Variants in C4orf51 observed in about 807,000 individuals in gnomAD.
The protein encoded by C4orf51 is chromosome 4 open reading frame 51.
In C4orf51, 25 loss-of-function variants were observed where a neutral mutation model predicts 25.2. That is an observed-to-expected ratio of 0.99 (90% CI 0.72 to 1.39). The LOEUF is 1.39. Ranked by LOEUF, C4orf51 falls within the 40% of genes most tolerant of loss-of-function variation. The pLI is 0.00. For synonymous variants in C4orf51, 100 were observed against 84.5 expected (o/e 1.18, Z -1.01); for missense variants, 252 against 239.6 (o/e 1.05, Z -0.34).
At chr4:145,770,046 C>T (rs1736008214) in intron 1 of C4orf51, among the ~76,000 whole-genome samples, 1 of 152,136 alleles carries the variant, frequency 6.6e-6, no homozygotes, top group Admixed American at 6.5e-5. Flanking sequence ...GCCTGTAATC[C>T]CAGCACTTTG....
intron 2 of C4orf51, among the ~76,000 whole-genome samples, chr4:145,707,772 C>T (rs1730900211): frequency 6.6e-6 from 1 of 152,168 alleles, no homozygotes; most frequent in African/African-American, 2.4e-5. Flanking sequence ...AGGAAGGTTG[C>T]TCAGAGAAGG....
In C4orf51 at chr4:145,761,742, C is replaced by T; in HGVS notation, n.167-9246C>T. On this transcript the variant is annotated intron_variant and non_coding_transcript_variant, in intron 1 of 1. Transcript: ENST00000510096. This position sits in a 1 kb window ranked among gnomAD's most constrained non-coding sequence, Gnocchi z 6.8. ...CCAGCCCAGCCCAGCCCTGCCGCCT[C>T]TCAGGGGTGGAACGGCCCTTTTTGG... The T allele has an allele frequency of 2.2e-6, 1 of 449,236 alleles. No individual in the cohort carries two copies. The highest frequency in any genetic ancestry group is 2.0e-5 in the South Asian group (1 of 50,188). 27.8% of individuals were successfully genotyped at this position (449,236 alleles called of 1,614,324 possible).
chr4:145,683,997 C>A (rs1728988606), intron 1 of C4orf51, among the ~76,000 whole-genome samples: 1 of 152,014 alleles, frequency 6.6e-6, no homozygotes. Context: ...TTGCAAAGGA[C>A]TTTTATCCAA....
intron 1 of C4orf51, among the ~76,000 whole-genome samples, chr4:145,684,561 G>A (rs778605165): frequency 9.8e-5 from 15 of 152,292 alleles, no homozygotes; most frequent in East Asian, 3.9e-4. Flanking sequence ...ATAACATTAC[G>A]CACCTATCAA....
intron 2 of C4orf51, among the ~76,000 whole-genome samples, chr4:145,702,171 C>T (rs1051479560): frequency 1.1e-4 from 17 of 152,054 alleles, no homozygotes; most frequent in Non-Finnish European, 2.2e-4. Context: ...CTCTCCTTAC[C>T]ATTCCCCCAT....
At chr4:145,689,423 A>G (rs1729391817) in intron 1 of C4orf51, among the ~76,000 whole-genome samples, 1 of 152,130 alleles carries the variant, frequency 6.6e-6, no homozygotes, top group Non-Finnish European at 1.5e-5. Context: ...ATATACATAT[A>G]TGTGTATATA....
intron 1 of C4orf51, among the ~76,000 whole-genome samples, chr4:145,768,759 G>A (rs182809286): frequency 6.9e-6 from 1 of 145,590 alleles, no homozygotes; most frequent in East Asian, 2.1e-4. Flanking sequence ...TTGGGAGGGT[G>A]AGGCAGGAGA....
In C4orf51 at chr4:145,763,126, C is replaced by T. The variant is rs999904577; in HGVS notation, n.167-7862C>T. 49 of 1,536,024 alleles carry T rather than the reference C, an allele frequency of 3.2e-5. No individual in the cohort carries two copies. The highest frequency in any genetic ancestry group is 7.3e-5 in the East Asian group (3 of 40,926). On this transcript the variant is annotated intron_variant and non_coding_transcript_variant, in intron 1 of 1. Transcript: ENST00000510096. The surrounding 1 kb of genome is among the most constrained non-coding windows in gnomAD (Gnocchi z 4.6). Reference sequence around the variant, plus strand: ...TGAAACTCACCACTGTCCTGAGCTACGGCAAAAGAAAAATAATAGTATAAT... The same window carrying T: ...TGAAACTCACCACTGTCCTGAGCTATGGCAAAAGAAAAATAATAGTATAAT...
At chr4:145,746,663 T>C (rs1039940061) in intron 1 of C4orf51, among the ~76,000 whole-genome samples, 4 of 152,148 alleles carry the variant, frequency 2.6e-5, no homozygotes, top group African/African-American at 9.7e-5. Context: ...TCTAGTTTTG[T>C]TTTTATTGTT....
At chr4:145,751,464 T>A (rs550755156) in intron 1 of C4orf51, among the ~76,000 whole-genome samples, 1 of 152,330 alleles carries the variant, frequency 6.6e-6, no homozygotes, top group East Asian at 1.9e-4. Context: ...TACTTTTGTC[T>A]TCTTCCCTTA....
At chr4:145,704,325 A>G (rs892871336) in intron 2 of C4orf51, among the ~76,000 whole-genome samples, 2 of 152,170 alleles carry the variant, frequency 1.3e-5, no homozygotes, top group Non-Finnish European at 1.5e-5. Context: ...ATGGGAGGGG[A>G]TATGGCTTCA....
chr4:145,694,730 A>C (rs953540904), intron 1 of C4orf51, among the ~76,000 whole-genome samples: 5 of 151,030 alleles, frequency 3.3e-5, no homozygotes, highest in Non-Finnish European at 3.0e-5. Flanking sequence ...CTGGGAAGTG[A>C]GGAGCCCCTC....
chr4:145,683,804 C>T (rs1356649692), intron 1 of C4orf51, among the ~76,000 whole-genome samples: 28 of 152,256 alleles, frequency 1.8e-4, no homozygotes, highest in Non-Finnish European at 4.4e-5. Flanking sequence ...TAGAAGATAA[C>T]AGGAGAAACC....
chr4:145,703,405 ACT>A (rs1339682179), intron 2 of C4orf51, among the ~76,000 whole-genome samples: 1 of 151,402 alleles, frequency 6.6e-6, no homozygotes, highest in Admixed American at 6.6e-5. Flanking sequence ...CCCTTCACTG[ACT>A]CTCTTTTCGG....
rs1344721922 is a variant in C4orf51 at position 145,693,879 on chromosome 4, C to T, written c.234-2680C>T. 5.5e-4 allele frequency among the ~76,000 whole-genome samples: 72 copies of T among 130,458 alleles called. No homozygotes were observed. In the Middle Eastern group the frequency reaches 0.015, roughly 28 times the overall value. 85.6% of individuals were successfully genotyped at this position (130,458 alleles called of 152,430 possible). A position where few individuals can be genotyped will look rare whatever the true frequency, so the allele number is the denominator to read the frequency against. ...CCTCCCTCCCGGACGGGGTGGCTGC[C>T]GGGCGGAGACGCTCCTCACTTCCCA... is the stretch of plus-strand genomic sequence containing the variant. On this transcript the variant is annotated intron_variant, in intron 1 of 5. Coordinates refer to ENST00000438731, the MANE Select transcript of C4orf51 (RefSeq NM_001080531.3).
the C4orf51 span, among the ~76,000 whole-genome samples, chr4:145,782,296 G>T: frequency 1.3e-5 from 2 of 152,214 alleles, no homozygotes; most frequent in African/African-American, 4.8e-5. Flanking sequence ...GCAGTCGGGG[G>T]AGGAGTATTA....
chr4:145,763,585 G>A lies in C4orf51; in HGVS notation n.167-7403G>A, dbSNP rs2126856308. 6.6e-6 allele frequency among the ~76,000 whole-genome samples: 1 copy of A among 152,340 alleles called. No homozygotes were observed. Among genetic ancestry groups the A allele is most frequent in the South Asian group, 2.1e-4 (1 of 4,818 alleles). ...GAGGCTGGGGACTTTGGAGGTCCCTGAGGAAAGGCGAACTGGCAAAGCCAC... is the reference window on the plus strand; with the variant it reads ...GAGGCTGGGGACTTTGGAGGTCCCTAAGGAAAGGCGAACTGGCAAAGCCAC... On this transcript the variant is annotated intron_variant and non_coding_transcript_variant, in intron 1 of 1. Transcript: ENST00000510096. This position sits in a 1 kb window ranked among gnomAD's most constrained non-coding sequence, Gnocchi z 4.6.
At chr4:145,744,421 G>A (rs1036418799) in intron 1 of C4orf51, among the ~76,000 whole-genome samples, 2 of 152,176 alleles carry the variant, frequency 1.3e-5, no homozygotes, top group Non-Finnish European at 2.9e-5. Context: ...AAACCAAATT[G>A]TTAAGTCCTT....
intron 2 of C4orf51, among the ~76,000 whole-genome samples, chr4:145,723,201 T>C (rs72952639): frequency 0.013 from 1,976 of 152,240 alleles, 48 homozygotes; most frequent in African/African-American, 0.045. Context: ...AAGACACTTA[T>C]ACTGGCCAAC....
Sources: gnomAD v4.1 joint callset for allele counts (sites outside exome capture counted in the v4.1 genomes callset) on GRCh38, gnomAD v4.1.1 for gene constraint, Gnocchi (gnomAD v3.1) non-coding constraint, MANE v1.5 for transcripts, NCBI Gene and HGNC (gene_info 2026-07-23, HGNC 2026-07-21) for gene names.